The following ITGA9 variants were observed in gnomAD, a reference collection of about 807,000 sequenced individuals.
The protein encoded by ITGA9 is integrin subunit alpha 9, also known as integrin alpha-9.
In ITGA9, 56 loss-of-function variants were observed where a neutral mutation model predicts 127.8. The ratio of observed to expected loss-of-function variants is 0.44; its 90% CI spans 0.35 to 0.55. The LOEUF (loss-of-function observed/expected upper bound fraction) is 0.55, where lower values mean the gene tolerates loss of function less well. Ranked by LOEUF, ITGA9 falls within the 20% of genes least tolerant of loss-of-function variation. ITGA9 has a pLI of 0.00. For synonymous variants in ITGA9, 508 were observed against 514.5 expected (o/e 0.99, Z 0.17); for missense variants, 1,196 against 1,347.1 (o/e 0.89, Z 1.76).
At position 37,629,191 on chromosome 3, in the gene ITGA9, G is replaced by A. The variant is rs1700205560; in HGVS notation, c.1694G>A (p.Arg565Lys). The change falls in exon 16 of 28, where the codon AGG becomes AAG. Residue 565 changes from arginine (R) to lysine (K), a missense_variant. By Grantham distance (26) the Arg-to-Lys change is conservative. Coordinates refer to ENST00000264741, the MANE Select transcript of ITGA9 (RefSeq NM_002207.3). This position sits in a 1 kb window ranked among gnomAD's most constrained non-coding sequence, Gnocchi z 4.5. ...CRHYVAHVKR[R>K]VQDVISPIVF... ...CGTATTTGTTTATTGTTTCAGCGGAGGGTGCAGGACGTCATCAGCCCGATC... is the reference window on the plus strand; with the variant it reads ...CGTATTTGTTTATTGTTTCAGCGGAAGGTGCAGGACGTCATCAGCCCGATC... 1 of 1,612,700 alleles carries A rather than the reference G, an allele frequency of 6.2e-7. No individual in the cohort carries two copies.
intron 18 of ITGA9, among the ~76,000 whole-genome samples, chr3:37,719,847 G>A (rs1467831375): frequency 4.6e-5 from 7 of 152,198 alleles, no homozygotes; most frequent in Admixed American, 4.6e-4. Flanking sequence ...AGTCTGCTCA[G>A]ATAAGGGCCG....
chr3:37,802,445 G>A (rs1697246774), intron 26 of ITGA9, among the ~76,000 whole-genome samples: 1 of 152,166 alleles, frequency 6.6e-6, no homozygotes, highest in Non-Finnish European at 1.5e-5. Context: ...CTTTCCCAAA[G>A]GGGAATGGAC....
chr3:37,762,991 G>T (rs1264109564), intron 23 of ITGA9, among the ~76,000 whole-genome samples: 1 of 152,228 alleles, frequency 6.6e-6, no homozygotes, highest in Non-Finnish European at 1.5e-5. Context: ...TCTGTAAAAT[G>T]GTGATGACAG....
chr3:37,563,555 C>T (rs1008603656), intron 15 of ITGA9, among the ~76,000 whole-genome samples: 9 of 152,220 alleles, frequency 5.9e-5, no homozygotes, highest in Admixed American at 5.9e-4. Flanking sequence ...CTACTCATCC[C>T]CAGTTATGGA....
intron 2 of ITGA9, among the ~76,000 whole-genome samples, chr3:37,471,869 C>G (rs1342085004): frequency 1.3e-5 from 2 of 152,148 alleles, no homozygotes; most frequent in Non-Finnish European, 2.9e-5. Context: ...GCCTGTGCAA[C>G]ATGGTGAAAG....
chr3:37,502,513 C>T (rs1181029445), intron 5 of ITGA9, among the ~76,000 whole-genome samples: 1 of 152,210 alleles, frequency 6.6e-6, no homozygotes, highest in Non-Finnish European at 1.5e-5. Context: ...CTGCGCCCGG[C>T]CTTGAGTCTG....
chr3:37,664,504 T>A (rs1251303997), intron 17 of ITGA9, among the ~76,000 whole-genome samples: 1 of 139,054 alleles, frequency 7.2e-6, no homozygotes, highest in Non-Finnish European at 1.5e-5. Context: ...CACCATAACC[T>A]CCACCTCCCG....
intron 19 of ITGA9, among the ~76,000 whole-genome samples, chr3:37,734,945 G>A (rs949587668): frequency 1.3e-5 from 2 of 152,232 alleles, no homozygotes; most frequent in African/African-American, 4.8e-5. Context: ...GGAGCAGAGG[G>A]TGATTCCCTG....
At chr3:37,491,630 G>A (rs955301792) in intron 4 of ITGA9, among the ~76,000 whole-genome samples, 1 of 152,200 alleles carries the variant, frequency 6.6e-6, no homozygotes, top group Non-Finnish European at 1.5e-5. Flanking sequence ...GGCTTGTTGG[G>A]GATGTTGTTT....
chr3:37,764,864 G>A (rs536417522), intron 23 of ITGA9, among the ~76,000 whole-genome samples: 1 of 152,302 alleles, frequency 6.6e-6, no homozygotes, highest in Non-Finnish European at 1.5e-5. Flanking sequence ...GCAGATCTGA[G>A]CCCAGAGTTC....
intron 8 of ITGA9, among the ~76,000 whole-genome samples, chr3:37,512,000 T>C (rs1315131478): frequency 7.3e-5 from 3 of 41,260 alleles, no homozygotes; most frequent in Non-Finnish European, 1.9e-4. Context: ...TTTCTTTTCT[T>C]TTCTTTTCTT....
At chr3:37,644,422 C>T (rs973974867) in intron 16 of ITGA9, among the ~76,000 whole-genome samples, 1 of 151,732 alleles carries the variant, frequency 6.6e-6, no homozygotes, top group Non-Finnish European at 1.5e-5. Context: ...GGATGATGGA[C>T]AATGGAGGGG....
At chr3:37,611,279 G>A (rs1167806830) in intron 15 of ITGA9, among the ~76,000 whole-genome samples, 1 of 152,086 alleles carries the variant, frequency 6.6e-6, no homozygotes, top group Non-Finnish European at 1.5e-5. Flanking sequence ...CTGGGGGTTG[G>A]GGATAAATAT....
rs199884183 is a variant in ITGA9, at chr3:37,629,179, T to C, written c.1690-8T>C. 6.2e-7 allele frequency: 1 copy of C among 1,612,424 alleles called. No homozygotes were observed. On this transcript the variant is annotated splice_region_variant and splice_polypyrimidine_tract_variant and intron_variant, in intron 15 of 27. Coordinates refer to ENST00000264741, the MANE Select transcript of ITGA9 (RefSeq NM_002207.3). This position sits in a 1 kb window ranked among gnomAD's most constrained non-coding sequence, Gnocchi z 4.5. ...GTAGTTAATGCACGTATTTGTTTAT[T>C]GTTTCAGCGGAGGGTGCAGGACGTC...
At chr3:37,760,536 G>GA (rs199746768) in intron 23 of ITGA9, among the ~76,000 whole-genome samples, 31 of 151,426 alleles carry the variant, frequency 2.0e-4, no homozygotes, top group Admixed American at 5.9e-4. Context: ...AAAGAGGGCA[G>GA]AAAAAAAAAT....
At chr3:37,588,116 G>C (rs1699776050) in intron 15 of ITGA9, among the ~76,000 whole-genome samples, 1 of 152,222 alleles carries the variant, frequency 6.6e-6, no homozygotes, top group Non-Finnish European at 1.5e-5. Context: ...GATGGTACAG[G>C]AGTACAAATG....
chr3:37,728,179 C>T (rs766300254), intron 18 of ITGA9, among the ~76,000 whole-genome samples: 1 of 152,166 alleles, frequency 6.6e-6, no homozygotes, highest in African/African-American at 2.4e-5. Context: ...ATGATTGGAA[C>T]TTGGAAGCAA....
rs557952021 is a variant in ITGA9, at chr3:37,577,434, T to C, written c.1689+34849T>C. Reference sequence around the variant, plus strand: ...CTTCATAGCTGACATCAAATGGATCTCCAAGCCCAAACACTAACAGTGGAA... The same window carrying C: ...CTTCATAGCTGACATCAAATGGATCCCCAAGCCCAAACACTAACAGTGGAA... On this transcript the variant is annotated intron_variant, in intron 15 of 27. Coordinates refer to ENST00000264741, the MANE Select transcript of ITGA9 (RefSeq NM_002207.3). 1.5e-3 allele frequency among the ~76,000 whole-genome samples: 225 copies of C among 152,366 alleles called. 4 individuals carry two copies. The highest frequency in any genetic ancestry group is 5.3e-3 in the African/African-American group (219 of 41,588).
chr3:37,531,090 T>C (rs760078273), intron 13 of ITGA9, among the ~76,000 whole-genome samples: 97 of 151,882 alleles, frequency 6.4e-4, no homozygotes, highest in Non-Finnish European at 1.1e-3. Context: ...CTGAAAGCGC[T>C]TGTGGTGCTG....
Sources: allele counts gnomAD v4.1 joint callset (sites outside exome capture counted in the v4.1 genomes callset), GRCh38; gene constraint gnomAD v4.1.1; non-coding constraint Gnocchi (gnomAD v3.1); transcripts MANE v1.5; gene names NCBI Gene and HGNC (gene_info 2026-07-23, HGNC 2026-07-21).